The following PRDM15 variants were observed in gnomAD, a reference collection of about 807,000 sequenced individuals.
The protein encoded by PRDM15 is PR domain zinc finger protein 15.
In PRDM15, 64 loss-of-function variants were observed where a neutral mutation model predicts 128.6. The observed-to-expected ratio is 0.50, with a 90% CI of 0.41 to 0.61. The LOEUF is 0.61. Among genes scored for constraint, PRDM15 ranks in the 20% least tolerant of loss-of-function variants. The pLI, the probability that PRDM15 is intolerant of heterozygous loss-of-function variation, is 0.00. For missense variants in PRDM15, 1,242 were observed against 1,569.1 expected (o/e 0.79, Z 3.52); for synonymous variants, 615 against 621.8 (o/e 0.99, Z 0.16).
In PRDM15 at chr21:41,810,375, C is replaced by T. The variant is rs767239601; in HGVS notation, c.2477-46G>A. 5.1e-6 allele frequency: 8 copies of T among 1,574,430 alleles called. No homozygotes were observed. The highest frequency in any genetic ancestry group is 6.9e-6 in the Non-Finnish European group (8 of 1,156,716). ...ACACATGCGCGTGGAAAGGAAGAGACACGCAGGTCACTAGTGCAGCCATCC... is the reference window on the plus strand; with the variant it reads ...ACACATGCGCGTGGAAAGGAAGAGATACGCAGGTCACTAGTGCAGCCATCC... On this transcript the variant is annotated intron_variant, in intron 20 of 23. Transcript: ENST00000398548. The surrounding 1 kb of genome is among the most constrained non-coding windows in gnomAD (Gnocchi z 6.4).
chr21:41,865,305 G>A (rs531896902), intron 1 of PRDM15, among the ~76,000 whole-genome samples: 1 of 152,272 alleles, frequency 6.6e-6, no homozygotes, highest in South Asian at 2.1e-4. Context: ...AGCGCTCTGC[G>A]ATTTCCTTCA....
chr21:41,819,742 C>T (rs199648862), intron 17 of PRDM15, 41 bp from the exon 18 acceptor site: 23 of 1,566,748 alleles, frequency 1.5e-5, no homozygotes, highest in Admixed American at 1.1e-4. Context: ...CGAGCAGCTC[C>T]GACCTGCAGT....
In PRDM15 at chr21:41,800,335, G is replaced by A. The variant is rs1256255490; in HGVS notation, c.*905C>T. 3.6e-4 allele frequency: 55 copies of A among 152,430 alleles called. 2 individuals carry two copies. The highest frequency in any genetic ancestry group is 3.6e-3 in the Admixed American group (55 of 15,278). The allele number at this position is 152,430 out of a possible 1,614,324, so 9.4% of individuals were successfully genotyped here. A position where few individuals can be genotyped will look rare whatever the true frequency, so the allele number is the denominator to read the frequency against. ...AGGAGCCCCTGGGGGCAGCAGGGAG[G>A]CTCACTCCTCACACACAGCCGCGCG... is the stretch of plus-strand genomic sequence containing the variant. On this transcript the variant is annotated 3_prime_UTR_variant, in exon 24 of 24. Transcript: ENST00000398548.
Position 41,847,189 on chromosome 21 carries a change from C to T in PRDM15, c.541G>A (p.Ala181Thr). The T allele has an allele frequency of 6.5e-7, 1 of 1,550,188 alleles. No individual in the cohort carries two copies. The highest frequency in any genetic ancestry group is 1.2e-5 in the South Asian group (1 of 83,918). ...GGGGCGCTGTTTTCTGGGGTGCCTG[C>T]AGCTTCAAAAGACATGAGAGGAGAA... ...LKQAGSGVHA[A>T]GTPENSAPVE... Residue 181 changes from alanine (A) to threonine (T), a missense_variant and splice_region_variant, in exon 6 of 24, where the codon GCA (alanine) becomes ACA (threonine). Ala to Thr is a moderately conservative substitution (Grantham distance 58, BLOSUM62 0). This residue lies in a region of PRDM15 where 612 missense variants were observed against 717.0 expected (regional missense o/e 0.85). Coordinates refer to ENST00000398548, the MANE Select transcript of PRDM15 (RefSeq NM_001040424.3).
At chr21:41,802,967 G>A (rs749750375) in intron 22 of PRDM15, 46 bp from the exon 23 acceptor site, 62 of 1,519,516 alleles carry the variant, frequency 4.1e-5, no homozygotes, top group Middle Eastern at 1.9e-4. Flanking sequence ...AGTCGGTCAC[G>A]TCAGGCAGCG....
rs56184937 is a variant in PRDM15, at chr21:41,865,152, G to T, written c.-9-4780C>A. ...CCTCAGTCCCCACTCCCCACTCCCC[G>T]GCTCACTCCTCACTCCCCTGCTCAC... On this transcript the variant is annotated intron_variant, in intron 1 of 23. Transcript: ENST00000398548. Among the ~76,000 whole-genome samples the T allele has an allele frequency of 1.7e-3, 122 of 73,732 alleles. 1 individual carries two copies. The highest frequency in any genetic ancestry group is 6.0e-3 in the African/African-American group (109 of 18,230). The allele number at this position is 73,732 out of a possible 152,430, so 48.4% of individuals were successfully genotyped here. A position where few individuals can be genotyped will look rare whatever the true frequency, so the allele number is the denominator to read the frequency against.
At chr21:41,855,829 G>C (rs192490786) in intron 4 of PRDM15, among the ~76,000 whole-genome samples, 429 of 152,302 alleles carry the variant, frequency 2.8e-3, no homozygotes, top group Non-Finnish European at 3.5e-3. Flanking sequence ...GGTAGCCAAC[G>C]GCCTTTCTGA....
intron 4 of PRDM15, among the ~76,000 whole-genome samples, chr21:41,856,047 T>C (rs1364826248): frequency 5.4e-5 from 1 of 18,530 alleles, no homozygotes; most frequent in African/African-American, 2.8e-4. Context: ...TTCCTTCCTT[T>C]CCTTCCTTCC....
chr21:41,826,744 C>T (rs981640737), intron 12 of PRDM15, among the ~76,000 whole-genome samples: 4 of 152,164 alleles, frequency 2.6e-5, no homozygotes, highest in African/African-American at 7.2e-5. Context: ...GCAAACTGGA[C>T]GTTGGACAAA....
chr21:41,831,890 A>G (rs1195438171), intron 11 of PRDM15, among the ~76,000 whole-genome samples: 1 of 152,184 alleles, frequency 6.6e-6, no homozygotes, highest in African/African-American at 2.4e-5. Flanking sequence ...GGGCCATAAG[A>G]GGAGCACCGT....
At position 41,804,523 on chromosome 21, in the gene PRDM15, A is replaced by G. The variant is rs2298687; in HGVS notation, c.2733+11T>C. ...AAAGTTTCTGAGCCCCTGGGGCCCC[A>G]TGCTGCTCACCTGGACGATGCCAAT... On this transcript the variant is annotated intron_variant, in intron 22 of 23. Transcript: ENST00000398548. 0.72 allele frequency: 1,115,309 copies of G among 1,556,900 alleles called. 401,833 individuals are homozygous for G. The highest frequency in any genetic ancestry group is 0.9 in the African/African-American group (66,170 of 73,758).
chr21:41,837,798 TGCC>T, intron 8 of PRDM15, 133 bp downstream of exon 8: 1 of 757,382 alleles, frequency 1.3e-6, no homozygotes, highest in East Asian at 2.6e-5. Context: ...ACATTCCTGC[TGCC>T]TCCTCAGCAG....
chr21:41,835,489 A>G lies in PRDM15; in HGVS notation c.1314T>C (p.Cys438=). The change falls in exon 11 of 24, where the codon TGT becomes TGC. Residue 438 remains cysteine (C), a synonymous_variant. Coordinates refer to ENST00000398548, the MANE Select transcript of PRDM15 (RefSeq NM_001040424.3). ...CGCTCTCGATGCGGAAGGTCTTCTC[A>G]CAAGTGCCGCAGCGGTACCTGTACT... ...DGEYRYRCGT[C]EKTFRIESAL... is the part of the protein sequence containing the mutation. 6.2e-7 allele frequency: 1 copy of G among 1,610,646 alleles called. No individual in the cohort carries two copies. Among genetic ancestry groups the G allele is most frequent in the Non-Finnish European group, 8.5e-7 (1 of 1,179,844 alleles).
chr21:41,822,145 C>G (rs1353452228), intron 14 of PRDM15, 108 bp from the exon 15 acceptor site: 4 of 1,478,506 alleles, frequency 2.7e-6, no homozygotes, highest in South Asian at 1.2e-5. Context: ...GAAGAAAATG[C>G]CTCTCTGATG....
At chr21:41,853,903 C>T (rs1246058800) in intron 5 of PRDM15, among the ~76,000 whole-genome samples, 2 of 152,208 alleles carry the variant, frequency 1.3e-5, no homozygotes, top group Admixed American at 1.3e-4. Flanking sequence ...TCCACTGTGA[C>T]CTGGGGTCAG....
chr21:41,805,994 C>CCATCACCAT (rs2061558556), intron 21 of PRDM15, among the ~76,000 whole-genome samples: 1 of 80,756 alleles, frequency 1.2e-5, no homozygotes, highest in African/African-American at 4.6e-5. Context: ...ACTATCACCA[C>CCATCACCAT]CACCACCACC....
rs190809785 is a variant in PRDM15 at position 41,802,946 on chromosome 21, A to G, written c.2734-25T>C. On this transcript the variant is annotated intron_variant, in intron 22 of 23. Coordinates refer to ENST00000398548, the MANE Select transcript of PRDM15 (RefSeq NM_001040424.3). ...GCTGCAGAAAAATCGGTTTCAGCCGAGAACCAGGTTAGTCGGTCACGTCAG... is the reference window on the plus strand; with the variant it reads ...GCTGCAGAAAAATCGGTTTCAGCCGGGAACCAGGTTAGTCGGTCACGTCAG... The G allele has an allele frequency of 1.2e-4, 187 of 1,605,530 alleles. No homozygotes were observed. In the African/African-American group the frequency reaches 2.2e-3, roughly 19 times the overall value.
At chr21:41,865,124 A>G (rs1308920141) in intron 1 of PRDM15, among the ~76,000 whole-genome samples, 1 of 100,276 alleles carries the variant, frequency 1.0e-5, no homozygotes, top group Non-Finnish European at 2.0e-5. Flanking sequence ...ATGCCTGCTC[A>G]CTCCTCAGTC....
intron 6 of PRDM15, among the ~76,000 whole-genome samples, chr21:41,846,525 T>C (rs1441618120): frequency 1.3e-5 from 2 of 152,194 alleles, no homozygotes; most frequent in African/African-American, 4.8e-5. Context: ...TGAAACCCTG[T>C]CTCTACAATA....
Sources: allele counts gnomAD v4.1 joint callset (sites outside exome capture counted in the v4.1 genomes callset), GRCh38; gene constraint gnomAD v4.1.1; regional missense constraint gnomAD v4.1.1; non-coding constraint Gnocchi (gnomAD v3.1); transcripts MANE v1.5; gene names NCBI Gene and HGNC (gene_info 2026-07-23, HGNC 2026-07-21).